TAFA5: variants seen among roughly 807,000 people sequenced by gnomAD.
TAFA5 encodes the protein TAFA chemokine like family member 5.
Under a neutral mutation model 15.3 loss-of-function variants are expected in TAFA5, and 6 were observed. The observed-to-expected ratio is 0.39, with a 90% CI of 0.21 to 0.77. The LOEUF is 0.77. Ranked by LOEUF, TAFA5 falls within the 30% of genes least tolerant of loss-of-function variation. The pLI is 0.41. For missense variants in TAFA5, 161 were observed against 193.1 expected (o/e 0.83, Z 0.98); for synonymous variants, 103 against 80.7 (o/e 1.28, Z -1.48).
At chr22:48,515,699 G>A (rs1921379816) in intron 1 of TAFA5, among the ~76,000 whole-genome samples, 1 of 152,322 alleles carries the variant, frequency 6.6e-6, no homozygotes, top group East Asian at 1.9e-4. Context: ...ATGCAAGCGG[G>A]AGGCCCCCGG....
chr22:48,750,126 CG>C lies in TAFA5; in HGVS notation c.*280del, dbSNP rs2147280469. Reference sequence around the variant, plus strand: ...GAGCCCGGCCGCGCCCAGCCCCCGCCGACCGTGGCGTTGGCCCTGCTGTCCT... The same window carrying C: ...GAGCCCGGCCGCGCCCAGCCCCCGCCACCGTGGCGTTGGCCCTGCTGTCCT... On this transcript the variant is annotated 3_prime_UTR_variant, in exon 4 of 4. Coordinates refer to ENST00000402357, the MANE Select transcript of TAFA5 (RefSeq NM_001082967.3). 2.0e-6 allele frequency: 1 copy of C among 498,432 alleles called. No homozygotes were observed. The highest frequency in any genetic ancestry group is 3.5e-5 in the East Asian group (1 of 28,392). 30.9% of individuals were successfully genotyped at this position (498,432 alleles called of 1,614,324 possible).
chr22:48,580,295 A>C (rs780029514), intron 1 of TAFA5, among the ~76,000 whole-genome samples: 4 of 152,248 alleles, frequency 2.6e-5, no homozygotes, highest in Non-Finnish European at 5.9e-5. Flanking sequence ...ATGAATGGTT[A>C]TGGCTCCGCG....
At chr22:48,736,030 G>A (rs10439945) in intron 3 of TAFA5, among the ~76,000 whole-genome samples, 632 of 21,786 alleles carry the variant, frequency 0.029, 7 homozygotes, top group Middle Eastern at 0.071. Context: ...AATGAGAATC[G>A]CACTCCTAGG....
At chr22:48,649,320 C>G (rs980332129) in intron 2 of TAFA5, among the ~76,000 whole-genome samples, 35 of 152,272 alleles carry the variant, frequency 2.3e-4, no homozygotes, top group African/African-American at 7.9e-4. Context: ...CACTGGCCCT[C>G]CGGCCACCAG....
intron 3 of TAFA5, among the ~76,000 whole-genome samples, chr22:48,718,267 C>T (rs1929463915): frequency 6.6e-6 from 1 of 152,188 alleles, no homozygotes; most frequent in South Asian, 2.1e-4. Context: ...CTGGGCCCCG[C>T]TGTGGCCGTC....
chr22:48,708,157 C>T (rs1228024405), intron 3 of TAFA5, among the ~76,000 whole-genome samples: 3 of 152,162 alleles, frequency 2.0e-5, no homozygotes, highest in Non-Finnish European at 2.9e-5. Flanking sequence ...GTCTTGTTTC[C>T]GGGACTGATG....
intron 2 of TAFA5, among the ~76,000 whole-genome samples, chr22:48,652,607 A>G (rs1927093679): frequency 6.6e-6 from 1 of 152,040 alleles, no homozygotes; most frequent in Non-Finnish European, 1.5e-5. Context: ...TCACCAAATC[A>G]TCGAGGCCCT....
At chr22:48,623,911 A>G (rs556045254) in intron 1 of TAFA5, among the ~76,000 whole-genome samples, 1 of 152,190 alleles carries the variant, frequency 6.6e-6, no homozygotes, top group Non-Finnish European at 1.5e-5. Flanking sequence ...ACATTTTAAC[A>G]TTCATATACA....
At chr22:48,644,162 T>C (rs1056521632) in intron 1 of TAFA5, among the ~76,000 whole-genome samples, 1 of 152,214 alleles carries the variant, frequency 6.6e-6, no homozygotes, top group Non-Finnish European at 1.5e-5. Context: ...GAGCAGTGTG[T>C]AATTTTGTGT....
At chr22:48,496,596 T>C (rs1217679731) in intron 1 of TAFA5, among the ~76,000 whole-genome samples, 1 of 152,120 alleles carries the variant, frequency 6.6e-6, no homozygotes, top group African/African-American at 2.4e-5. Context: ...CCACTTGTGG[T>C]AGGCGATGTC....
chr22:48,745,455 G>A (rs186124866), intron 3 of TAFA5, among the ~76,000 whole-genome samples: 4 of 139,646 alleles, frequency 2.9e-5, no homozygotes, highest in Non-Finnish European at 4.6e-5. Flanking sequence ...CCCTGAGCAT[G>A]GGCACACACG....
chr22:48,632,715 T>G (rs1189973719), intron 1 of TAFA5, among the ~76,000 whole-genome samples: 2 of 152,270 alleles, frequency 1.3e-5, no homozygotes, highest in Middle Eastern at 3.4e-3. Flanking sequence ...CATGGATGCC[T>G]TGGGACCTGG....
chr22:48,642,824 G>A (rs1926732441), intron 1 of TAFA5, among the ~76,000 whole-genome samples: 3 of 152,092 alleles, frequency 2.0e-5, no homozygotes, highest in Admixed American at 2.0e-4. Flanking sequence ...CGTGTGTGGT[G>A]TGTGTGCATG....
intron 1 of TAFA5, among the ~76,000 whole-genome samples, chr22:48,505,651 C>T (rs1463054221): frequency 1.3e-5 from 2 of 152,196 alleles, no homozygotes; most frequent in Non-Finnish European, 1.5e-5. Context: ...GCATCCCAGG[C>T]CACACTTGCA....
intron 1 of TAFA5, among the ~76,000 whole-genome samples, chr22:48,631,877 T>C (rs1926241789): frequency 6.6e-6 from 1 of 152,106 alleles, no homozygotes; most frequent in Non-Finnish European, 1.5e-5. Context: ...ACTTCTCAGC[T>C]CCTGGCTGTG....
At position 48,719,117 on chromosome 22, in the gene TAFA5, G is replaced by A. The variant is rs570965943; in HGVS notation, c.390+11273G>A. On this transcript the variant is annotated intron_variant, in intron 3 of 3. Coordinates refer to ENST00000402357, the MANE Select transcript of TAFA5 (RefSeq NM_001082967.3). ...TTTTCAACTTTTTCTTTTGAATCCCGTGTGGGGAGGTGTGCAGACATTCCT... is the reference window on the plus strand; with the variant it reads ...TTTTCAACTTTTTCTTTTGAATCCCATGTGGGGAGGTGTGCAGACATTCCT... 3.3e-4 allele frequency among the ~76,000 whole-genome samples: 50 copies of A among 152,332 alleles called. 1 individual carries two copies. In the South Asian group the frequency reaches 5.6e-3, roughly 17 times the overall value.
Position 48,528,075 on chromosome 22 carries a change from CG to C in TAFA5, c.112+38375del, listed in dbSNP as rs1921842762. Among the ~76,000 whole-genome samples, 3 of 152,212 alleles carry C rather than the reference CG, an allele frequency of 2.0e-5. No individual in the cohort carries two copies. The South Asian group carries it at 6.2e-4, about 31-fold the overall frequency. ...AGCTGGCTTGGCCGCCTGGGCCCCC[CG>C]GGGCCCCCCGGTGCCTGTCCTCTCC... On this transcript the variant is annotated intron_variant, in intron 1 of 3. Coordinates refer to ENST00000402357, the MANE Select transcript of TAFA5 (RefSeq NM_001082967.3).
chr22:48,643,968 A>C (rs1318831711), intron 1 of TAFA5, among the ~76,000 whole-genome samples: 1 of 152,226 alleles, frequency 6.6e-6, no homozygotes, highest in South Asian at 2.1e-4. Flanking sequence ...CCTTCTGCGT[A>C]AATCACAACG....
At chr22:48,533,617 G>A (rs1922047009) in intron 1 of TAFA5, among the ~76,000 whole-genome samples, 1 of 152,198 alleles carries the variant, frequency 6.6e-6, no homozygotes, top group Non-Finnish European at 1.5e-5. Context: ...CTCGGGAGAT[G>A]GCTGTAGAAA....
Sources: allele counts gnomAD v4.1 joint callset (sites outside exome capture counted in the v4.1 genomes callset), GRCh38; gene constraint gnomAD v4.1.1; transcripts MANE v1.5; gene names NCBI Gene and HGNC (gene_info 2026-07-23, HGNC 2026-07-21).